PTPN12: variants seen among roughly 807,000 people sequenced by gnomAD.
The protein encoded by PTPN12 is protein tyrosine phosphatase non-receptor type 12.
PTPN12 carries 29 observed loss-of-function variants against 97.6 expected under a neutral mutation model. The observed-to-expected ratio is 0.30, with a 90% CI of 0.22 to 0.41. The LOEUF is 0.41. PTPN12 is among the 10% of genes least tolerant of loss of function. The pLI, the probability that PTPN12 is intolerant of heterozygous loss-of-function variation, is 1.00. For synonymous variants in PTPN12, 327 were observed against 300.4 expected, an observed-to-expected ratio of 1.09 and a Z score of -0.91; for missense variants, 819 against 926.0, an observed-to-expected ratio of 0.88 and a Z score of 1.50.
chr7:77,630,067 T>TA (rs2151400888), intron 13 of PTPN12, among the ~76,000 whole-genome samples: 1 of 152,368 alleles, frequency 6.6e-6, no homozygotes, highest in South Asian at 2.1e-4. Context: ...GGTTTCTTTT[T>TA]ACTCAACCTT....
intron 1 of PTPN12, among the ~76,000 whole-genome samples, chr7:77,541,748 CTA>C (rs1241896260): frequency 6.6e-6 from 1 of 152,154 alleles, no homozygotes; most frequent in Non-Finnish European, 1.5e-5. Flanking sequence ...CATTACTATT[CTA>C]TGAGTGTCTA....
Position 77,596,164 on chromosome 7 carries a change from G to A in PTPN12, c.493-1678G>A, listed in dbSNP as rs564767636. On this transcript the variant is annotated intron_variant, in intron 6 of 17. Transcript: ENST00000248594. ...ATTTTATTGGGTGGTAGATGCTTAA[G>A]TAATTCGTTTAGACACTTTTTTTTA... Among the ~76,000 whole-genome samples, 3 of 152,288 alleles carry A rather than the reference G, an allele frequency of 2.0e-5. 1 individual carries two copies. The highest frequency in any genetic ancestry group is 7.2e-5 in the African/African-American group (3 of 41,570).
intron 8 of PTPN12, among the ~76,000 whole-genome samples, chr7:77,605,323 T>A (rs11763798): frequency 6.6e-6 from 1 of 151,576 alleles, no homozygotes; most frequent in Non-Finnish European, 1.5e-5. Context: ...TAACATCTTA[T>A]AATTACTCAT....
chr7:77,538,262 C>G (rs1806761926), intron 1 of PTPN12, among the ~76,000 whole-genome samples: 2 of 152,216 alleles, frequency 1.3e-5, no homozygotes, highest in African/African-American at 2.4e-5. Context: ...TCCATTTACC[C>G]GCGTCCCGCT....
chr7:77,537,520 C>A lies in PTPN12; in HGVS notation c.-27C>A. The A allele has an allele frequency of 6.4e-7, 1 of 1,563,874 alleles. No homozygotes were observed. The highest frequency in any genetic ancestry group is 2.4e-5 in the East Asian group (1 of 40,940). ...GGCGGGCGGGCGGCGGGGGGGCCAG[C>A]GACCGCAGCCGGGGGGACGCGGGAG... On this transcript the variant is annotated 5_prime_UTR_variant, in exon 1 of 18. Transcript: ENST00000248594.
chr7:77,575,325 A>ACACG (rs72384879), intron 2 of PTPN12, among the ~76,000 whole-genome samples: 21 of 151,356 alleles, frequency 1.4e-4, no homozygotes, highest in Middle Eastern at 6.8e-3. Flanking sequence ...CTCAACACAC[A>ACACG]CACGCACGCA....
chr7:77,637,049 G>A lies in PTPN12; in HGVS notation c.2173+1G>A. 6.2e-7 allele frequency: 1 copy of A among 1,605,956 alleles called. No individual in the cohort carries two copies. Among genetic ancestry groups the A allele is most frequent in the African/African-American group, 1.3e-5 (1 of 74,794 alleles). On this transcript the variant is annotated splice_donor_variant, in intron 16 of 17. Coordinates refer to ENST00000248594, the MANE Select transcript of PTPN12 (RefSeq NM_002835.4). LOFTEE classifies it high-confidence loss of function. ...ATAACCTCTGAAAATGAGAAATGTG[G>A]TAAGTTGTTAGATTTTTTTTTTCCT...
chr7:77,601,475 T>G (rs565746522), intron 8 of PTPN12, among the ~76,000 whole-genome samples: 4 of 152,308 alleles, frequency 2.6e-5, no homozygotes, highest in Admixed American at 1.3e-4. Context: ...AGTCTTGGGC[T>G]TACAGGCGTG....
At chr7:77,551,718 G>T (rs1314778445) in intron 1 of PTPN12, among the ~76,000 whole-genome samples, 1 of 152,142 alleles carries the variant, frequency 6.6e-6, no homozygotes, top group Non-Finnish European at 1.5e-5. Context: ...CCATAAATTT[G>T]ATGTTTTGTT....
intron 5 of PTPN12, 90 bp from the exon 6 acceptor site, chr7:77,592,095 A>G (rs1377469069): frequency 6.3e-6 from 7 of 1,104,228 alleles, no homozygotes; most frequent in Non-Finnish European, 8.0e-6. Context: ...GGGAAGTAGA[A>G]GTAAGCAGAA....
chr7:77,552,078 G>C (rs1807502520), intron 1 of PTPN12, among the ~76,000 whole-genome samples: 1 of 152,136 alleles, frequency 6.6e-6, no homozygotes, highest in Admixed American at 6.5e-5. Flanking sequence ...AAAGTAAAAA[G>C]TTTATTTTAA....
At chr7:77,616,815 C>T (rs1469007966) in intron 11 of PTPN12, among the ~76,000 whole-genome samples, 1 of 151,928 alleles carries the variant, frequency 6.6e-6, no homozygotes, top group African/African-American at 2.4e-5. Flanking sequence ...CGGAGTCTTG[C>T]TCTGTCGCCC....
chr7:77,606,896 C>T, intron 8 of PTPN12: 1 of 178,626 alleles, frequency 5.6e-6, no homozygotes, highest in East Asian at 1.6e-4. Context: ...ATGGCCCAAA[C>T]CTCAACAGTA....
At chr7:77,568,018 T>C (rs1808329999) in intron 1 of PTPN12, among the ~76,000 whole-genome samples, 1 of 152,242 alleles carries the variant, frequency 6.6e-6, no homozygotes, top group Non-Finnish European at 1.5e-5. Flanking sequence ...TGTAGATACC[T>C]TTTTAAAGTA....
intron 9 of PTPN12, among the ~76,000 whole-genome samples, chr7:77,610,065 C>T (rs1237379803): frequency 6.6e-6 from 1 of 152,190 alleles, no homozygotes; most frequent in Non-Finnish European, 1.5e-5. Flanking sequence ...TCAGACTGTC[C>T]TCTTCCTTGA....
At chr7:77,591,339 G>T (rs939342556) in intron 5 of PTPN12, among the ~76,000 whole-genome samples, 7 of 152,062 alleles carry the variant, frequency 4.6e-5, no homozygotes, top group Non-Finnish European at 5.9e-5. Flanking sequence ...TGATTTTATT[G>T]GGCCTTGATA....
intron 12 of PTPN12, among the ~76,000 whole-genome samples, chr7:77,622,357 A>T (rs1038707792): frequency 2.0e-5 from 3 of 152,240 alleles, no homozygotes; most frequent in African/African-American, 7.2e-5. Flanking sequence ...TGGAGACAAT[A>T]CAGAGTAAAA....
chr7:77,634,309 C>T (rs569634619), intron 14 of PTPN12, among the ~76,000 whole-genome samples: 9 of 152,246 alleles, frequency 5.9e-5, no homozygotes, highest in Non-Finnish European at 1.5e-5. Context: ...AGTGCAGAAA[C>T]AGCTTGATTG....
intron 6 of PTPN12, among the ~76,000 whole-genome samples, chr7:77,597,436 G>T (rs750682726): frequency 1.3e-5 from 2 of 152,118 alleles, no homozygotes; most frequent in African/African-American, 4.8e-5. Flanking sequence ...AAGTCATATA[G>T]TTTGAATCAT....
Sources: allele counts gnomAD v4.1 joint callset (sites outside exome capture counted in the v4.1 genomes callset), GRCh38; gene constraint gnomAD v4.1.1; transcripts MANE v1.5; gene names NCBI Gene and HGNC (gene_info 2026-07-23, HGNC 2026-07-21).